Variants in DLGAP4 observed in about 807,000 individuals in gnomAD.
DLGAP4 encodes disks large-associated protein 4.
Under a neutral mutation model 86.9 loss-of-function variants are expected in DLGAP4, and 18 were observed. The ratio of observed to expected loss-of-function variants is 0.21; its 90% confidence interval spans 0.14 to 0.31. The LOEUF is 0.31. DLGAP4 is among the 10% of genes least tolerant of loss of function. DLGAP4 has a pLI of 1.00. For missense variants in DLGAP4, 1,085 were observed against 1,362.6 expected (o/e 0.80, Z 3.21); for synonymous variants, 548 against 574.3 (o/e 0.95, Z 0.65).
At chr20:36,328,198 C>G (rs1555891168) in intron 1 of DLGAP4, among the ~76,000 whole-genome samples, 1 of 151,278 alleles carries the variant, frequency 6.6e-6, no homozygotes, top group African/African-American at 2.4e-5. Flanking sequence ...GACTCTGTCT[C>G]AAGAAAATAA....
chr20:36,476,906 T>A (rs1473741323), intron 7 of DLGAP4, among the ~76,000 whole-genome samples: 2 of 150,976 alleles, frequency 1.3e-5, no homozygotes, highest in Non-Finnish European at 2.9e-5. Context: ...TTAGTCGGGG[T>A]GATCTCAAAC....
chr20:36,382,503 T>TTTTC (rs757834890), intron 2 of DLGAP4, among the ~76,000 whole-genome samples: 9 of 151,316 alleles, frequency 5.9e-5, no homozygotes, highest in East Asian at 1.9e-4. Flanking sequence ...TTTCTCTTTC[T>TTTTC]TTTCTTTCTT....
intron 12 of DLGAP4, 48 bp from the exon 13 acceptor site, chr20:36,526,765 G>T (rs748648842): frequency 1.3e-6 from 2 of 1,509,358 alleles, no homozygotes; most frequent in African/African-American, 2.8e-5. Context: ...CACACAAAAC[G>T]TGGCACCTTT....
chr20:36,429,409 T>C (rs1234108859), intron 2 of DLGAP4, among the ~76,000 whole-genome samples: 14 of 140,634 alleles, frequency 1.0e-4, no homozygotes, highest in Admixed American at 5.7e-4. Context: ...TTTTTTTTTT[T>C]TTTTTTTTTT....
In DLGAP4 at chr20:36,321,494, C is replaced by T. The variant is rs1451721206; in HGVS notation, c.-304+14982C>T. Reference sequence around the variant, plus strand: ...CCACAGCCACTCGCCAGGCTGGCCCCGGCTTCCACCTCGGATGTGCTCTGC... The same window carrying T: ...CCACAGCCACTCGCCAGGCTGGCCCTGGCTTCCACCTCGGATGTGCTCTGC... On this transcript the variant is annotated intron_variant, in intron 1 of 12. Coordinates refer to ENST00000339266, the MANE Select transcript of DLGAP4 (RefSeq NM_001365621.2). 7.9e-5 allele frequency among the ~76,000 whole-genome samples: 12 copies of T among 152,244 alleles called. No homozygotes were observed. In the East Asian group the frequency reaches 1.7e-3, roughly 22 times the overall value.
chr20:36,514,615 T>C (rs1184827581), intron 10 of DLGAP4, among the ~76,000 whole-genome samples: 1 of 152,114 alleles, frequency 6.6e-6, no homozygotes, highest in East Asian at 1.9e-4. Context: ...AATCTCGCTT[T>C]GTTGCCTAGG....
rs539933521 is a variant in DLGAP4, at chr20:36,527,900, G to A, written c.*869G>A. The A allele has an allele frequency of 2.0e-5, 3 of 152,852 alleles. No individual in the cohort carries two copies. In the East Asian group the frequency reaches 5.8e-4, roughly 29 times the overall value. 9.5% of individuals were successfully genotyped at this position (152,852 alleles called of 1,614,324 possible). On this transcript the variant is annotated 3_prime_UTR_variant, in exon 13 of 13. Transcript: ENST00000339266. ...CAGTCCTCAGCCGCGCCTGTGTCCG[G>A]TGCCCGAGGGGCGGGCGGCGGTGTC...
chr20:36,317,263 C>CT (rs1254490730), intron 1 of DLGAP4, among the ~76,000 whole-genome samples: 3 of 53,040 alleles, frequency 5.7e-5, no homozygotes, highest in Non-Finnish European at 1.0e-4. Flanking sequence ...TTCTTTCTTT[C>CT]TTTCTTTCTT....
At chr20:36,474,300 TA>T (rs776092742) in intron 7 of DLGAP4, among the ~76,000 whole-genome samples, 3 of 152,098 alleles carry the variant, frequency 2.0e-5, no homozygotes, top group Non-Finnish European at 2.9e-5. Context: ...TGGCCTGGGT[TA>T]GGGGAGAGGC....
In DLGAP4 at chr20:36,500,731, A is replaced by G; in HGVS notation, c.2512+120A>G. 2.1e-6 allele frequency: 2 copies of G among 935,236 alleles called. No individual in the cohort carries two copies. Among genetic ancestry groups the G allele is most frequent in the Non-Finnish European group, 2.9e-6 (2 of 685,804 alleles). 57.9% of individuals were successfully genotyped at this position (935,236 alleles called of 1,614,324 possible). A position where few individuals can be genotyped will look rare whatever the true frequency, so the allele number is the denominator to read the frequency against. ...GTCTCTTAGGTTCTCTTCTTGGGCTAGTTTTTGAGCTCCCTTCTTACTTTC... is the reference window on the plus strand; with the variant it reads ...GTCTCTTAGGTTCTCTTCTTGGGCTGGTTTTTGAGCTCCCTTCTTACTTTC... On this transcript the variant is annotated intron_variant, in intron 10 of 12. Coordinates refer to ENST00000339266, the MANE Select transcript of DLGAP4 (RefSeq NM_001365621.2). The surrounding 1 kb of genome is among the most constrained non-coding windows in gnomAD (Gnocchi z 4.6).
intron 3 of DLGAP4, among the ~76,000 whole-genome samples, chr20:36,434,103 C>T (rs1440835894): frequency 1.3e-5 from 2 of 151,870 alleles, no homozygotes; most frequent in Non-Finnish European, 2.9e-5. Flanking sequence ...GCCACCAAGA[C>T]TGACCAATTT....
At chr20:36,497,583 C>T in intron 8 of DLGAP4, 1 of 988,098 alleles carries the variant, frequency 1.0e-6, no homozygotes, top group Non-Finnish European at 1.2e-6. Context: ...GCCCAGAGCC[C>T]TCTCGGGCCT....
chr20:36,309,634 C>T (rs1338617697), intron 1 of DLGAP4, among the ~76,000 whole-genome samples: 1 of 152,232 alleles, frequency 6.6e-6, no homozygotes, highest in Non-Finnish European at 1.5e-5. Flanking sequence ...CATGCTGGGG[C>T]AGACCTGGCA....
chr20:36,514,453 C>T (rs1045906289), intron 10 of DLGAP4, among the ~76,000 whole-genome samples: 1 of 152,136 alleles, frequency 6.6e-6, no homozygotes, highest in African/African-American at 2.4e-5. Context: ...CTTTGTCACC[C>T]AGGCTGAAGT....
intron 8 of DLGAP4, chr20:36,499,210 C>CG: frequency 8.1e-7 from 1 of 1,231,374 alleles, no homozygotes; most frequent in Non-Finnish European, 1.1e-6. Flanking sequence ...TTTCGTCGTC[C>CG]TTTTTTTTTT....
At chr20:36,401,971 T>A (rs1047732844) in intron 2 of DLGAP4, among the ~76,000 whole-genome samples, 1 of 152,118 alleles carries the variant, frequency 6.6e-6, no homozygotes, top group Non-Finnish European at 1.5e-5. Context: ...GCCGAGTGAA[T>A]GACTAGGAGC....
At chr20:36,481,731 G>A (rs2035195380) in intron 7 of DLGAP4, among the ~76,000 whole-genome samples, 1 of 152,184 alleles carries the variant, frequency 6.6e-6, no homozygotes, top group Non-Finnish European at 1.5e-5. Context: ...TTCTCCCTGT[G>A]TGGATCACCT....
intron 2 of DLGAP4, among the ~76,000 whole-genome samples, chr20:36,410,591 A>G (rs988771631): frequency 6.6e-5 from 10 of 152,164 alleles, no homozygotes; most frequent in African/African-American, 1.4e-4. Context: ...GCTTCCAATC[A>G]TGGCTGAAGG....
chr20:36,332,151 G>T (rs1483244679), intron 1 of DLGAP4, among the ~76,000 whole-genome samples: 2 of 152,128 alleles, frequency 1.3e-5, no homozygotes, highest in Non-Finnish European at 2.9e-5. Flanking sequence ...ATGCCCAGGA[G>T]AAGGCTGGGC....
Sources: allele counts gnomAD v4.1 joint callset (sites outside exome capture counted in the v4.1 genomes callset), GRCh38; gene constraint gnomAD v4.1.1; non-coding constraint Gnocchi (gnomAD v3.1); transcripts MANE v1.5; gene names NCBI Gene and HGNC (gene_info 2026-07-23, HGNC 2026-07-21).